NXPH1: variants seen among roughly 807,000 people sequenced by gnomAD.
NXPH1 encodes neurexophilin 1.
A neutral mutation model predicts 23.7 loss-of-function variants in NXPH1; 5 were observed. The ratio of observed to expected loss-of-function variants is 0.21; its 90% CI spans 0.11 to 0.44. NXPH1 has a LOEUF of 0.44. Among genes scored for constraint, NXPH1 ranks in the 20% least tolerant of loss-of-function variants. NXPH1 has a pLI of 0.99. For synonymous variants in NXPH1, 144 were observed against 122.2 expected, an observed-to-expected ratio of 1.18 and a Z score of -1.18; for missense variants, 324 against 321.6, an observed-to-expected ratio of 1.01 and a Z score of -0.06.
At chr7:8,452,097 T>C (rs1584163613) in intron 2 of NXPH1, among the ~76,000 whole-genome samples, 1 of 152,174 alleles carries the variant, frequency 6.6e-6, no homozygotes. Context: ...CCTGGTGAAA[T>C]TGATTTGGTC....
intron 2 of NXPH1, among the ~76,000 whole-genome samples, chr7:8,470,959 C>T (rs535912276): frequency 6.6e-6 from 1 of 151,942 alleles, no homozygotes; most frequent in African/African-American, 2.4e-5. Flanking sequence ...GAGGATCTTA[C>T]AAATTTTTCT....
chr7:8,577,695 C>G (rs1818779602), intron 2 of NXPH1, among the ~76,000 whole-genome samples: 3 of 152,148 alleles, frequency 2.0e-5, no homozygotes, highest in Admixed American at 1.3e-4. Flanking sequence ...ATACTGTGCC[C>G]TTGTGTAGTC....
At position 8,668,887 on chromosome 7, in the gene NXPH1, C is replaced by T. The variant is rs143375737; in HGVS notation, c.55-82121C>T. Among the ~76,000 whole-genome samples, 368 of 151,860 alleles carry T rather than the reference C, an allele frequency of 2.4e-3. 4 individuals carry two copies. The highest frequency in any genetic ancestry group is 8.2e-3 in the African/African-American group (340 of 41,374). On this transcript the variant is annotated intron_variant, in intron 2 of 2. Coordinates refer to ENST00000405863, the MANE Select transcript of NXPH1 (RefSeq NM_152745.3). ...ACTCAGGGGTCTACTGTAGTTAGGC[C>T]GAACCCTGGGTATGCTGAAGCCAGA... is the stretch of plus-strand genomic sequence containing the variant.
chr7:8,654,228 T>G (rs183208329), intron 2 of NXPH1, among the ~76,000 whole-genome samples: 136 of 152,186 alleles, frequency 8.9e-4, no homozygotes, highest in African/African-American at 3.2e-3. Context: ...CTCTGTTAGA[T>G]CCTTTCAAGT....
chr7:8,481,610 C>A (rs75182251), intron 2 of NXPH1, among the ~76,000 whole-genome samples: 4,177 of 152,236 alleles, frequency 0.027, 90 homozygotes, highest in Middle Eastern at 0.045. Flanking sequence ...ACTGAAAAAA[C>A]CCTAAATACC....
intron 2 of NXPH1, among the ~76,000 whole-genome samples, chr7:8,724,643 T>G (rs1454207228): frequency 6.6e-6 from 1 of 152,238 alleles, no homozygotes; most frequent in Admixed American, 6.5e-5. Context: ...TTTCATCTTA[T>G]GATGTTTGTA....
intron 2 of NXPH1, among the ~76,000 whole-genome samples, chr7:8,714,829 C>T (rs1204352190): frequency 6.6e-6 from 1 of 152,102 alleles, no homozygotes; most frequent in East Asian, 1.9e-4. Context: ...ATGACAAAGT[C>T]CTCTTTACTC....
intron 2 of NXPH1, among the ~76,000 whole-genome samples, chr7:8,599,718 T>C (rs1819311508): frequency 6.6e-6 from 1 of 152,056 alleles, no homozygotes; most frequent in African/African-American, 2.4e-5. Flanking sequence ...CAGGCTAGTA[T>C]GAGTGGAGCC....
chr7:8,539,643 T>A (rs1818081136), intron 2 of NXPH1, among the ~76,000 whole-genome samples: 2 of 151,862 alleles, frequency 1.3e-5, no homozygotes, highest in African/African-American at 4.8e-5. Flanking sequence ...TTCTCACATT[T>A]ATATACAGAT....
At chr7:8,691,116 T>C in intron 2 of NXPH1, among the ~76,000 whole-genome samples, 1 of 152,178 alleles carries the variant, frequency 6.6e-6, no homozygotes, top group Non-Finnish European at 1.5e-5. Context: ...ATCCTAACTT[T>C]CCAATGAGTT....
chr7:8,437,436 G>A (rs1369350331), intron 2 of NXPH1, among the ~76,000 whole-genome samples: 1 of 152,100 alleles, frequency 6.6e-6, no homozygotes, highest in Non-Finnish European at 1.5e-5. Flanking sequence ...CTTGACCATC[G>A]TAACCCGCTT....
chr7:8,615,209 A>G (rs1378340638), intron 2 of NXPH1, among the ~76,000 whole-genome samples: 1 of 152,048 alleles, frequency 6.6e-6, no homozygotes, highest in East Asian at 1.9e-4. Flanking sequence ...GGTTTTCAGG[A>G]ATGGGATTGC....
intron 2 of NXPH1, among the ~76,000 whole-genome samples, chr7:8,593,145 A>G (rs1352336646): frequency 6.7e-6 from 1 of 150,146 alleles, no homozygotes; most frequent in African/African-American, 2.5e-5. Flanking sequence ...CCCTAAGCAG[A>G]TTGCATGTTT....
intron 2 of NXPH1, among the ~76,000 whole-genome samples, chr7:8,478,294 A>C (rs370558673): frequency 7.2e-5 from 11 of 152,248 alleles, no homozygotes; most frequent in African/African-American, 2.4e-4. Context: ...AAAATAAGCT[A>C]AAACTTTAAG....
chr7:8,640,813 C>G (rs10238024), intron 2 of NXPH1, among the ~76,000 whole-genome samples: 41,584 of 151,724 alleles, frequency 0.27, 6,182 homozygotes, highest in African/African-American at 0.35. Flanking sequence ...AAATATTAGC[C>G]AGGGTGGTGG....
chr7:8,575,299 C>A (rs1818730942), intron 2 of NXPH1, among the ~76,000 whole-genome samples: 1 of 152,158 alleles, frequency 6.6e-6, no homozygotes, highest in Admixed American at 6.5e-5. Context: ...TGAATTTCTA[C>A]AACTAAAATG....
chr7:8,524,677 T>C (rs781440889), intron 2 of NXPH1, among the ~76,000 whole-genome samples: 1 of 152,162 alleles, frequency 6.6e-6, no homozygotes, highest in Admixed American at 6.5e-5. Context: ...AATTGAATCA[T>C]GGGGGCCGAT....
chr7:8,601,592 A>G (rs1819362512), intron 2 of NXPH1, among the ~76,000 whole-genome samples: 1 of 152,138 alleles, frequency 6.6e-6, no homozygotes, highest in Admixed American at 6.6e-5. Context: ...GTCCTCACCA[A>G]AGTTATGCTT....
intron 2 of NXPH1, among the ~76,000 whole-genome samples, chr7:8,558,676 T>C (rs886166853): frequency 4.0e-5 from 6 of 151,688 alleles, no homozygotes; most frequent in Non-Finnish European, 7.4e-5. Flanking sequence ...CTTTTCCTTT[T>C]ATATGATTGT....
Sources: gnomAD v4.1 joint callset for allele counts (sites outside exome capture counted in the v4.1 genomes callset) on GRCh38, gnomAD v4.1.1 for gene constraint, MANE v1.5 for transcripts, NCBI Gene and HGNC (gene_info 2026-07-23, HGNC 2026-07-21) for gene names.